FBXO15: variants seen among roughly 807,000 people sequenced by gnomAD.
FBXO15 encodes the protein F-box only protein 15.
FBXO15 carries 30 observed loss-of-function variants against 49.5 expected under a neutral mutation model. That is an observed-to-expected ratio of 0.61 (90% CI 0.45 to 0.82). The LOEUF (loss-of-function observed/expected upper bound fraction) is 0.82, where lower values mean the gene tolerates loss of function less well. FBXO15 is among the 40% of genes least tolerant of loss of function. The probability of loss-of-function intolerance (pLI) is 0.00; values close to 1 mark genes in which losing one functional copy is unlikely to be tolerated. For missense variants in FBXO15, 591 were observed against 631.5 expected (o/e 0.94, Z 0.69); for synonymous variants, 250 against 232.7 (o/e 1.07, Z -0.68).
At chr18:74,119,814 G>A (rs1235088758) in intron 8 of FBXO15, among the ~76,000 whole-genome samples, 1 of 152,178 alleles carries the variant, frequency 6.6e-6, no homozygotes, top group Admixed American at 6.5e-5. Flanking sequence ...GGGAGGCAGA[G>A]TGGGGACACA....
At chr18:74,126,799 C>A (rs780748135) in intron 5 of FBXO15, among the ~76,000 whole-genome samples, 11 of 152,244 alleles carry the variant, frequency 7.2e-5, no homozygotes, top group Non-Finnish European at 1.2e-4. Flanking sequence ...ACACCAGCTG[C>A]AGTCCAGCTT....
chr18:74,081,779 G>A (rs1912505628), intron 9 of FBXO15, 148 bp downstream of exon 9: 2 of 584,350 alleles, frequency 3.4e-6, no homozygotes, highest in South Asian at 6.8e-5. Flanking sequence ...AACAGAATGT[G>A]CACCAACCTT....
intron 5 of FBXO15, among the ~76,000 whole-genome samples, chr18:74,128,959 G>A (rs775342652): frequency 6.6e-6 from 1 of 152,142 alleles, no homozygotes; most frequent in Non-Finnish European, 1.5e-5. Context: ...CACAGAAAGA[G>A]TAAGTTACTT....
chr18:74,125,653 T>G (rs1318096925), intron 6 of FBXO15, among the ~76,000 whole-genome samples: 1 of 152,148 alleles, frequency 6.6e-6, no homozygotes, highest in Non-Finnish European at 1.5e-5. Flanking sequence ...GAACGTGGAC[T>G]GATTGGAAGT....
intron 8 of FBXO15, among the ~76,000 whole-genome samples, chr18:74,093,551 C>T (rs1001745149): frequency 1.3e-5 from 2 of 152,178 alleles, no homozygotes; most frequent in Non-Finnish European, 2.9e-5. Flanking sequence ...GGCAAGATCA[C>T]CCTGCTCCAT....
At position 74,135,800 on chromosome 18, in the gene FBXO15, T is replaced by C; in HGVS notation, c.294A>G (p.Gly98=). ...YLDAVSLLCT[G]CVSRRFYHLA... ...GATGATAAAAGCGCCTGCTCACACA[T>C]CCAGTACACAGAAGGCTCACAGCAT... Residue 98 remains glycine, a synonymous_variant, in exon 3 of 10, where the codon GGA becomes GGG. Transcript: ENST00000419743. 6.2e-7 allele frequency: 1 copy of C among 1,611,704 alleles called. No individual in the cohort carries two copies. Among genetic ancestry groups the C allele is most frequent in the South Asian group, 1.1e-5 (1 of 90,230 alleles).
Position 74,074,718 on chromosome 18 carries a change from G to A in FBXO15, c.1264-988C>T, listed in dbSNP as rs1020186914. 3.3e-5 allele frequency among the ~76,000 whole-genome samples: 5 copies of A among 152,160 alleles called. No homozygotes were observed. Among genetic ancestry groups the A allele is most frequent in the Non-Finnish European group, 5.9e-5 (4 of 68,042 alleles). On this transcript the variant is annotated intron_variant, in intron 9 of 9. Transcript: ENST00000419743. This position sits in a 1 kb window ranked among gnomAD's most constrained non-coding sequence, Gnocchi z 4.7. ...AAATAAAATGAAAAAGAACATAGTC[G>A]GCATGCATTACATACACTAAGCATA...
intron 9 of FBXO15, among the ~76,000 whole-genome samples, chr18:74,077,018 C>T (rs1339306141): frequency 3.9e-5 from 6 of 152,224 alleles, no homozygotes; most frequent in Non-Finnish European, 5.9e-5. Context: ...ACCATGTACC[C>T]AATGGGCAGA....
intron 8 of FBXO15, among the ~76,000 whole-genome samples, chr18:74,109,762 AGGTG>A (rs1913926233): frequency 1.3e-5 from 2 of 151,390 alleles, no homozygotes; most frequent in African/African-American, 4.8e-5. Context: ...TCTCACTCGT[AGGTG>A]GGAGTTGAAC....
At chr18:74,130,954 C>G (rs956649720) in intron 3 of FBXO15, among the ~76,000 whole-genome samples, 1 of 152,006 alleles carries the variant, frequency 6.6e-6, no homozygotes, top group African/African-American at 2.4e-5. Context: ...CCCTCTTATA[C>G]CAGTAATGGA....
chr18:74,138,310 C>A (rs115917438), intron 2 of FBXO15, among the ~76,000 whole-genome samples: 2 of 152,264 alleles, frequency 1.3e-5, no homozygotes, highest in Non-Finnish European at 2.9e-5. Context: ...GGAAAATGAG[C>A]GGCCAGCCCC....
chr18:74,127,631 C>T (rs953575576), intron 5 of FBXO15, among the ~76,000 whole-genome samples: 3 of 152,150 alleles, frequency 2.0e-5, no homozygotes, highest in South Asian at 2.1e-4. Flanking sequence ...ATAAAAGTGC[C>T]GATCAAAACA....
intron 5 of FBXO15, among the ~76,000 whole-genome samples, chr18:74,128,090 T>C (rs1247221143): frequency 1.3e-5 from 2 of 151,514 alleles, no homozygotes; most frequent in African/African-American, 4.9e-5. Context: ...AAAAGTACCA[T>C]TTTTTAAAAG....
intron 2 of FBXO15, among the ~76,000 whole-genome samples, chr18:74,139,696 C>A (rs1172000785): frequency 6.6e-6 from 1 of 152,190 alleles, no homozygotes; most frequent in Non-Finnish European, 1.5e-5. Context: ...AGCATATAAT[C>A]GGTGTTCCAT....
At chr18:74,094,050 C>T (rs1913170299) in intron 8 of FBXO15, among the ~76,000 whole-genome samples, 1 of 152,200 alleles carries the variant, frequency 6.6e-6, no homozygotes. Flanking sequence ...GTTGCGTTAG[C>T]AGGCATGAAA....
chr18:74,078,361 A>C (rs1481130328), intron 9 of FBXO15: 8 of 106,408 alleles, frequency 7.5e-5, no homozygotes, highest in Middle Eastern at 5.6e-3. Context: ...CAGCCTTTCC[A>C]ATGCCCCCCA....
chr18:74,125,790 C>T (rs116384720), intron 6 of FBXO15, among the ~76,000 whole-genome samples, 185 bp downstream of exon 6: 207 of 152,158 alleles, frequency 1.4e-3, no homozygotes, highest in African/African-American at 4.8e-3. Flanking sequence ...CAGAACAGCA[C>T]AGCAGCCTCG....
At chr18:74,128,691 CAAT>C (rs1411146337) in intron 5 of FBXO15, among the ~76,000 whole-genome samples, 1 of 152,158 alleles carries the variant, frequency 6.6e-6, no homozygotes, top group Admixed American at 6.5e-5. Flanking sequence ...AGGAAGCAAT[CAAT>C]GATGAAAAAG....
intron 9 of FBXO15, 79 bp from the exon 10 acceptor site, chr18:74,073,809 A>C (rs889411732): frequency 3.2e-5 from 49 of 1,512,152 alleles, no homozygotes; most frequent in Non-Finnish European, 4.4e-5. Context: ...ACTCTGTAAA[A>C]CTCACTAGAA....
Sources: allele counts gnomAD v4.1 joint callset (sites outside exome capture counted in the v4.1 genomes callset), GRCh38; gene constraint gnomAD v4.1.1; non-coding constraint Gnocchi (gnomAD v3.1); transcripts MANE v1.5; gene names NCBI Gene and HGNC (gene_info 2026-07-23, HGNC 2026-07-21).